Variants in UNC13C observed in about 807,000 individuals in gnomAD.
UNC13C encodes the protein protein unc-13 homolog C.
Under a neutral mutation model 245.4 loss-of-function variants are expected in UNC13C, and 174 were observed. That is an observed-to-expected ratio of 0.71 (90% CI 0.63 to 0.80). UNC13C has a LOEUF of 0.80. UNC13C is among the 30% of genes least tolerant of loss of function. The pLI is 0.00. For missense variants in UNC13C, 2,829 were observed against 2,602.9 expected (o/e 1.09, Z -1.89); for synonymous variants, 992 against 895.1 (o/e 1.11, Z -1.93).
chr15:54,383,011 C>T (rs1371384360), intron 17 of UNC13C, among the ~76,000 whole-genome samples: 1 of 152,086 alleles, frequency 6.6e-6, no homozygotes, highest in African/African-American at 2.4e-5. Context: ...AACAGGAAAT[C>T]TAAACAGGCC....
chr15:54,466,427 C>T (rs1028815867), intron 19 of UNC13C, among the ~76,000 whole-genome samples: 4 of 151,882 alleles, frequency 2.6e-5, no homozygotes, highest in African/African-American at 9.7e-5. Context: ...ATGAAAATAT[C>T]TCATGTACCC....
chr15:54,579,252 C>G (rs1898099079), intron 30 of UNC13C, among the ~76,000 whole-genome samples: 1 of 151,850 alleles, frequency 6.6e-6, no homozygotes, highest in Non-Finnish European at 1.5e-5. Context: ...TTTTCTCTGC[C>G]TGCTTATGGT....
chr15:54,017,991 C>A (rs781455555), intron 2 of UNC13C, among the ~76,000 whole-genome samples: 1 of 152,158 alleles, frequency 6.6e-6, no homozygotes, highest in Non-Finnish European at 1.5e-5. Context: ...TCTCTGGTTG[C>A]TGAAAGGTAC....
chr15:54,123,364 T>C (rs1056239623), intron 2 of UNC13C, among the ~76,000 whole-genome samples: 2 of 151,454 alleles, frequency 1.3e-5, no homozygotes, highest in Non-Finnish European at 3.0e-5. Flanking sequence ...TATACTTATA[T>C]ATACATTTAT....
intron 30 of UNC13C, among the ~76,000 whole-genome samples, chr15:54,571,638 C>G (rs1897761319): frequency 6.6e-6 from 1 of 152,200 alleles, no homozygotes; most frequent in Non-Finnish European, 1.5e-5. Flanking sequence ...GAAGATCATA[C>G]TGGTGTTATA....
chr15:54,013,912 G>C lies in UNC13C; in HGVS notation c.1009G>C (p.Val337Leu). The change falls in exon 2 of 33, where the codon GTG becomes CTG. Residue 337 changes from valine to leucine, a missense_variant. Physicochemically the swap from Val to Leu is conservative, Grantham distance 32 (BLOSUM62 1). Coordinates refer to ENST00000260323, the MANE Select transcript of UNC13C (RefSeq NM_001080534.3). ...AGAAAGATTTGAATATGTTGAAAGCGTGGTGTACCAAATTCTAATAGATAA... is the reference window on the plus strand; with the variant it reads ...AGAAAGATTTGAATATGTTGAAAGCCTGGTGTACCAAATTCTAATAGATAA... ...TEERFEYVES[V>L]VYQILIDKMG... 2 of 1,613,178 alleles carry C rather than the reference G, an allele frequency of 1.2e-6. No individual in the cohort carries two copies. Among genetic ancestry groups the C allele is most frequent in the Non-Finnish European group, 1.7e-6 (2 of 1,179,650 alleles).
intron 17 of UNC13C, among the ~76,000 whole-genome samples, chr15:54,361,396 C>A (rs2039228196): frequency 6.6e-6 from 1 of 151,770 alleles, no homozygotes; most frequent in Non-Finnish European, 1.5e-5. Context: ...GATTATTTTC[C>A]AAATTTCATC....
At chr15:54,606,837 G>C (rs2141281742) in intron 30 of UNC13C, among the ~76,000 whole-genome samples, 1 of 152,238 alleles carries the variant, frequency 6.6e-6, no homozygotes, top group East Asian at 1.9e-4. Context: ...TGCTGCGTTA[G>C]CCATAGGAAT....
Position 54,332,172 on chromosome 15 carries a change from A to G in UNC13C, c.4494+61A>G. 6 of 1,223,114 alleles carry G rather than the reference A, an allele frequency of 4.9e-6. No individual in the cohort carries two copies. In the South Asian group the frequency reaches 9.0e-5, roughly 18 times the overall value. The allele number at this position is 1,223,114 out of a possible 1,614,324, so 75.8% of individuals were successfully genotyped here. On this transcript the variant is annotated intron_variant, in intron 15 of 32. Coordinates refer to ENST00000260323, the MANE Select transcript of UNC13C (RefSeq NM_001080534.3). ...TGTTTGGTCTAGAGAATTTCTTGCC[A>G]TATTGTAAAAATTACCCATCATGTA...
chr15:54,235,397 G>T lies in UNC13C; in HGVS notation c.3150+289G>T, dbSNP rs1196997547. Among the ~76,000 whole-genome samples the T allele has an allele frequency of 2.0e-5, 3 of 152,176 alleles. No individual in the cohort carries two copies. In the East Asian group the frequency reaches 5.8e-4, roughly 29 times the overall value. On this transcript the variant is annotated intron_variant, in intron 5 of 32. Transcript: ENST00000260323. ...AAATCACACAGCATACCAAGCAAGT[G>T]AATAGGCTTTGATGTGTTTAGTGTT...
Position 54,201,782 on chromosome 15 carries a change from C to G in UNC13C, c.3072-33248C>G, listed in dbSNP as rs576541355. On this transcript the variant is annotated intron_variant, in intron 4 of 32. Coordinates refer to ENST00000260323, the MANE Select transcript of UNC13C (RefSeq NM_001080534.3). Reference sequence around the variant, plus strand: ...TCAAGAATGCTCACCCTCACTACTTCTATTCAATATAGTACTGAAAGTCCT... The same window carrying G: ...TCAAGAATGCTCACCCTCACTACTTGTATTCAATATAGTACTGAAAGTCCT... 2.6e-5 allele frequency among the ~76,000 whole-genome samples: 4 copies of G among 152,054 alleles called. No homozygotes were observed. The South Asian group carries it at 8.3e-4, about 32-fold the overall frequency.
chr15:53,951,355 A>C, the UNC13C span, among the ~76,000 whole-genome samples: 1 of 152,242 alleles, frequency 6.6e-6, no homozygotes, highest in Non-Finnish European at 1.5e-5. Context: ...TATGGTATTC[A>C]ACACAGTAAT....
the UNC13C span, among the ~76,000 whole-genome samples, chr15:53,846,961 C>T: frequency 3.3e-5 from 5 of 152,044 alleles, no homozygotes; most frequent in Non-Finnish European, 7.4e-5. Flanking sequence ...CAGTGTAGGG[C>T]CCAACTGCAG....
chr15:54,472,438 A>T (rs189250640), intron 19 of UNC13C, among the ~76,000 whole-genome samples: 27 of 151,230 alleles, frequency 1.8e-4, no homozygotes, highest in African/African-American at 6.5e-4. Flanking sequence ...CTTTCATTAA[A>T]AAGTGCTTAC....
chr15:54,063,985 C>T (rs774986334), intron 2 of UNC13C, among the ~76,000 whole-genome samples: 54 of 152,116 alleles, frequency 3.5e-4, no homozygotes, highest in Non-Finnish European at 4.9e-4. Flanking sequence ...AGATTTGGCC[C>T]ACAACCAGGT....
the UNC13C span, among the ~76,000 whole-genome samples, chr15:53,892,378 T>G: frequency 5.1e-3 from 778 of 152,270 alleles, 3 homozygotes; most frequent in African/African-American, 0.018. Flanking sequence ...TCGAGGAGTA[T>G]CTTTGTGGTG....
chr15:54,292,980 T>C (rs1031635841), intron 10 of UNC13C, among the ~76,000 whole-genome samples: 1 of 149,896 alleles, frequency 6.7e-6, no homozygotes, highest in Non-Finnish European at 1.5e-5. Context: ...ATATATAATA[T>C]GTATATTCTC....
intron 13 of UNC13C, among the ~76,000 whole-genome samples, chr15:54,313,740 G>A (rs2037934269): frequency 6.6e-6 from 1 of 151,320 alleles, no homozygotes; most frequent in Non-Finnish European, 1.5e-5. Context: ...CATTCCAGAA[G>A]GAACAGATAC....
At chr15:54,063,736 C>T (rs1310968308) in intron 2 of UNC13C, among the ~76,000 whole-genome samples, 1 of 152,154 alleles carries the variant, frequency 6.6e-6, no homozygotes, top group African/African-American at 2.4e-5. Flanking sequence ...AGTGTGAAAG[C>T]AATGCTATGC....
Sources: gnomAD v4.1 joint callset for allele counts (sites outside exome capture counted in the v4.1 genomes callset) on GRCh38, gnomAD v4.1.1 for gene constraint, MANE v1.5 for transcripts, NCBI Gene and HGNC (gene_info 2026-07-23, HGNC 2026-07-21) for gene names.